RNF152: variants seen among roughly 807,000 people sequenced by gnomAD.
RNF152 encodes E3 ubiquitin-protein ligase RNF152.
A neutral mutation model predicts 12.7 loss-of-function variants in RNF152; 11 were observed. That is an observed-to-expected ratio of 0.86 (90% confidence interval 0.54 to 1.43). The LOEUF is 1.43. Among genes scored for constraint, RNF152 ranks in the 40% most tolerant of loss-of-function variants. RNF152 has a pLI of 0.00. For missense variants in RNF152, 255 were observed against 274.8 expected, an observed-to-expected ratio of 0.93 and a Z score of 0.51; for synonymous variants, 113 against 120.3, an observed-to-expected ratio of 0.94 and a Z score of 0.40.
Position 61,828,447 on chromosome 18 carries a change from C to T in RNF152, c.-135-11849G>A, listed in dbSNP as rs569183766. Among the ~76,000 whole-genome samples, 8 of 152,124 alleles carry T rather than the reference C, an allele frequency of 5.3e-5. No homozygotes were observed. The East Asian group carries it at 7.7e-4, about 15-fold the overall frequency. On this transcript the variant is annotated intron_variant, in intron 1 of 1. Coordinates refer to ENST00000312828, the MANE Select transcript of RNF152 (RefSeq NM_173557.3). Reference sequence around the variant, plus strand: ...TCCAAAAAACATTTTTTTGTAGAGACGGGATCTTGCCATGTTGCCCAGGCT... The same window carrying T: ...TCCAAAAAACATTTTTTTGTAGAGATGGGATCTTGCCATGTTGCCCAGGCT...
At chr18:61,824,086 A>G (rs1403342778) in intron 1 of RNF152, among the ~76,000 whole-genome samples, 1 of 152,244 alleles carries the variant, frequency 6.6e-6, no homozygotes, top group East Asian at 1.9e-4. Context: ...AAATCAAAGT[A>G]TATTGGAATC....
At chr18:61,839,107 G>A (rs540778946) in intron 1 of RNF152, among the ~76,000 whole-genome samples, 3 of 150,540 alleles carry the variant, frequency 2.0e-5, no homozygotes, top group East Asian at 2.0e-4. Flanking sequence ...TGATTTGATA[G>A]TAAGCTGCAG....
chr18:61,848,524 C>T (rs931886294), intron 1 of RNF152, among the ~76,000 whole-genome samples: 2 of 152,190 alleles, frequency 1.3e-5, no homozygotes, highest in Non-Finnish European at 2.9e-5. Flanking sequence ...TACACACAGC[C>T]CCCCAGGCTG....
At chr18:61,865,294 C>T (rs945928674) in intron 1 of RNF152, among the ~76,000 whole-genome samples, 11 of 152,100 alleles carry the variant, frequency 7.2e-5, no homozygotes, top group African/African-American at 2.7e-4. Flanking sequence ...TTAAACCCTA[C>T]TGAAAAAATG....
At chr18:61,847,719 T>G (rs532502434) in intron 1 of RNF152, among the ~76,000 whole-genome samples, 1 of 152,238 alleles carries the variant, frequency 6.6e-6, no homozygotes, top group South Asian at 2.1e-4. Context: ...AAGCTAAGAT[T>G]TCCAAAATGG....
At chr18:61,844,193 G>GGGAAGGAGGGAA (rs1380234025) in intron 1 of RNF152, among the ~76,000 whole-genome samples, 13 of 64,312 alleles carry the variant, frequency 2.0e-4, no homozygotes, top group African/African-American at 5.2e-4. Flanking sequence ...AAGGAAGGAA[G>GGGAAGGAGGGAA]GGAAGGAGGG....
At chr18:61,818,336 C>A (rs762668255) in intron 1 of RNF152, among the ~76,000 whole-genome samples, 1 of 151,946 alleles carries the variant, frequency 6.6e-6, no homozygotes, top group African/African-American at 2.4e-5. Flanking sequence ...GGTGGGAGGA[C>A]CACCTGAGCC....
At chr18:61,876,455 CA>C (rs528389072) in intron 1 of RNF152, among the ~76,000 whole-genome samples, 2 of 150,368 alleles carry the variant, frequency 1.3e-5, no homozygotes, top group African/African-American at 2.4e-5. Flanking sequence ...ACTCAGCCCA[CA>C]AAAAAAAATA....
rs529714042 is a variant in RNF152, at chr18:61,851,090, T to TAAAA, written c.-135-34496_-135-34493dup. Among the ~76,000 whole-genome samples the TAAAA allele has an allele frequency of 4.4e-3, 560 of 126,376 alleles. 2 individuals carry two copies. Among genetic ancestry groups the TAAAA allele is most frequent in the African/African-American group, 0.015 (525 of 34,444 alleles). 82.9% of individuals were successfully genotyped at this position (126,376 alleles called of 152,430 possible). A position where few individuals can be genotyped will look rare whatever the true frequency, so the allele number is the denominator to read the frequency against. ...ACCATCTGCTGATATCCACAATGAT[T>TAAAA]AAAAAAAAAAAAAAAAAACTTATGA... On this transcript the variant is annotated intron_variant, in intron 1 of 1. Transcript: ENST00000312828.
Position 61,814,967 on chromosome 18 carries a change from A to G in RNF152, c.*885T>C, listed in dbSNP as rs943730870. 9 of 152,524 alleles carry G rather than the reference A, an allele frequency of 5.9e-5. No homozygotes were observed. Among genetic ancestry groups the G allele is most frequent in the Admixed American group, 4.6e-4 (7 of 15,282 alleles). The allele number at this position is 152,524 out of a possible 1,614,324, so 9.4% of individuals were successfully genotyped here. On this transcript the variant is annotated 3_prime_UTR_variant, in exon 2 of 2. Transcript: ENST00000312828. ...ACCGCTTCAGAGACTTGACTCATTC[A>G]TGCCCAATGAAGTCTTCATCCCAGG...
chr18:61,851,016 A>C (rs1189640406), intron 1 of RNF152, among the ~76,000 whole-genome samples: 3 of 151,894 alleles, frequency 2.0e-5, no homozygotes, highest in Non-Finnish European at 2.9e-5. Flanking sequence ...CCCAGGGTAC[A>C]TACCACCAGG....
At chr18:61,851,655 G>A (rs2144695342) in intron 1 of RNF152, among the ~76,000 whole-genome samples, 1 of 152,302 alleles carries the variant, frequency 6.6e-6, no homozygotes, top group South Asian at 2.1e-4. Context: ...AATCCAGACT[G>A]TCTGGACACC....
chr18:61,870,321 T>C (rs925407005), intron 1 of RNF152, among the ~76,000 whole-genome samples: 3 of 152,170 alleles, frequency 2.0e-5, no homozygotes, highest in African/African-American at 7.2e-5. Flanking sequence ...TGGGATTGAT[T>C]ACTGTAAACA....
chr18:61,875,034 C>A (rs1306541155), intron 1 of RNF152: 1 of 152,242 alleles, frequency 6.6e-6, no homozygotes, highest in Admixed American at 6.5e-5. Context: ...CCATGGTCTG[C>A]AAGATGTTGG....
At chr18:61,855,361 G>A (rs868024803) in intron 1 of RNF152, among the ~76,000 whole-genome samples, 8 of 152,246 alleles carry the variant, frequency 5.3e-5, no homozygotes, top group Admixed American at 3.3e-4. Context: ...GAAGCGGCCT[G>A]TTTGGAGCAG....
chr18:61,816,015 G>T lies in RNF152; in HGVS notation c.449C>A (p.Ala150Glu). 2 of 1,614,156 alleles carry T rather than the reference G, an allele frequency of 1.2e-6. No individual in the cohort carries two copies. Among genetic ancestry groups the T allele is most frequent in the Non-Finnish European group, 1.7e-6 (2 of 1,180,024 alleles). The change falls in exon 2 of 2, where the codon GCG becomes GAG. Residue 150 changes from alanine (A) to glutamate (E), a missense_variant. Physicochemically the swap from Ala to Glu is moderately radical, Grantham distance 107. Coordinates refer to ENST00000312828, the MANE Select transcript of RNF152 (RefSeq NM_173557.3). The part of the protein sequence containing the change: ...QPLQGGAPQE[A>E]VEEEQDRRGV... The stretch of plus-strand genomic sequence containing the variant: ...CCGCCTGTCCTGCTCCTCCTCCACC[G>T]CCTCCTGGGGAGCCCCACCTTGCAG...
chr18:61,826,707 T>C (rs1443459561), intron 1 of RNF152, among the ~76,000 whole-genome samples: 2 of 151,990 alleles, frequency 1.3e-5, no homozygotes, highest in African/African-American at 2.4e-5. Flanking sequence ...CAGATCTACA[T>C]CATTTTCCAT....
At chr18:61,849,176 G>T (rs1351494496) in intron 1 of RNF152, among the ~76,000 whole-genome samples, 1 of 152,130 alleles carries the variant, frequency 6.6e-6, no homozygotes, top group African/African-American at 2.4e-5. Context: ...GTACTGCCCT[G>T]CGGGGGCTTC....
rs1234617313 is a variant in RNF152 at position 61,816,504 on chromosome 18, G to A, written c.-41C>T. ...GGAAGGGCAAGGCCAAGGTGAAGGG[G>A]AAGGAGCTGCTTCTCAGAGGCCACC... On this transcript the variant is annotated 5_prime_UTR_variant, in exon 2 of 2. Transcript: ENST00000312828. The A allele has an allele frequency of 1.9e-6, 3 of 1,560,664 alleles. No homozygotes were observed. Among genetic ancestry groups the A allele is most frequent in the Admixed American group, 1.8e-5 (1 of 56,710 alleles).
Sources: allele counts gnomAD v4.1 joint callset (sites outside exome capture counted in the v4.1 genomes callset), GRCh38; gene constraint gnomAD v4.1.1; transcripts MANE v1.5; gene names NCBI Gene and HGNC (gene_info 2026-07-23, HGNC 2026-07-21).